Variants in MTA3 observed in about 807,000 individuals in gnomAD.
MTA3 encodes metastasis associated 1 family member 3.
MTA3 carries 34 observed loss-of-function variants against 83.5 expected under a neutral mutation model. That is an observed-to-expected ratio of 0.41 (90% CI 0.31 to 0.54). The LOEUF (loss-of-function observed/expected upper bound fraction) is 0.54. Among genes scored for constraint, MTA3 ranks in the 20% least tolerant of loss-of-function variants. The pLI is 0.33. For synonymous variants in MTA3, 303 were observed against 252.7 expected (o/e 1.20, Z -1.89); for missense variants, 761 against 726.4 (o/e 1.05, Z -0.55).
At chr2:42,611,817 A>G (rs1408345451) in intron 4 of MTA3, among the ~76,000 whole-genome samples, 1 of 152,160 alleles carries the variant, frequency 6.6e-6, no homozygotes, top group African/African-American at 2.4e-5. Flanking sequence ...CCTATGTGAA[A>G]TAAATAATAA....
intron 14 of MTA3, among the ~76,000 whole-genome samples, chr2:42,716,492 C>G (rs539915497): frequency 6.6e-6 from 1 of 152,152 alleles, no homozygotes; most frequent in Non-Finnish European, 1.5e-5. Context: ...ACCCTCCACC[C>G]TCCAATAGGC....
At chr2:42,685,519 C>T (rs1282803166) in intron 9 of MTA3, among the ~76,000 whole-genome samples, 1 of 152,196 alleles carries the variant, frequency 6.6e-6, no homozygotes, top group East Asian at 1.9e-4. Context: ...CTGTCTCTCC[C>T]TTGAACCCCA....
intron 16 of MTA3, among the ~76,000 whole-genome samples, chr2:42,748,858 T>C (rs1264116949): frequency 6.6e-6 from 1 of 152,228 alleles, no homozygotes; most frequent in African/African-American, 2.4e-5. Flanking sequence ...AGGAGTTACA[T>C]TGGTGGATCA....
intron 4 of MTA3, among the ~76,000 whole-genome samples, chr2:42,634,721 A>G (rs1198141459): frequency 6.6e-6 from 1 of 151,876 alleles, no homozygotes; most frequent in African/African-American, 2.4e-5. Flanking sequence ...TATCCAAGGC[A>G]GTCATTTGCT....
intron 16 of MTA3, among the ~76,000 whole-genome samples, chr2:42,723,669 C>G (rs1667597156): frequency 6.6e-6 from 1 of 152,184 alleles, no homozygotes. Flanking sequence ...TAAACACAAC[C>G]ATAATAAATC....
chr2:42,686,583 G>C (rs1305023470), intron 9 of MTA3, among the ~76,000 whole-genome samples: 1 of 152,000 alleles, frequency 6.6e-6, no homozygotes, highest in Admixed American at 6.6e-5. Context: ...CCAACACTTT[G>C]GGAGGCCGAG....
intron 2 of MTA3, among the ~76,000 whole-genome samples, chr2:42,514,575 G>A (rs1225980924): frequency 2.6e-5 from 4 of 151,322 alleles, no homozygotes; most frequent in Non-Finnish European, 5.9e-5. Context: ...ATACAGATGG[G>A]GTTTCACCAT....
intron 2 of MTA3, among the ~76,000 whole-genome samples, chr2:42,557,203 A>T (rs895625910): frequency 2.0e-5 from 3 of 152,034 alleles, no homozygotes; most frequent in Non-Finnish European, 2.9e-5. Flanking sequence ...ATATCGCACC[A>T]CTGCACTTCA....
chr2:42,687,960 C>T (rs1415609963), intron 9 of MTA3, among the ~76,000 whole-genome samples: 2 of 152,206 alleles, frequency 1.3e-5, no homozygotes, highest in Non-Finnish European at 2.9e-5. Context: ...TGCATACCAT[C>T]AGGGTCAAAG....
At position 42,521,231 on chromosome 2, in the gene MTA3, T is replaced by C. The variant is rs570979806; in HGVS notation, c.-141+25977T>C. ...CTCTGAGGGGAGCCAGCTGCCATGT[T>C]GTGAGCTGCTTTTTAGAGAGGCCTA... On this transcript the variant is annotated intron_variant, in intron 2 of 17. Coordinates refer to the MTA3 transcript ENST00000405592. Among the ~76,000 whole-genome samples, 4 of 152,310 alleles carry C rather than the reference T, an allele frequency of 2.6e-5. No homozygotes were observed. The East Asian group carries it at 7.7e-4, about 29-fold the overall frequency.
chr2:42,648,900 A>G (rs1419826634), intron 6 of MTA3, among the ~76,000 whole-genome samples: 7 of 152,236 alleles, frequency 4.6e-5, no homozygotes, highest in Admixed American at 3.3e-4. Flanking sequence ...AATCCTGACT[A>G]TACTATGTTT....
intron 8 of MTA3, 41 bp from the exon 9 acceptor site, chr2:42,682,360 G>A: frequency 1.1e-5 from 16 of 1,434,282 alleles, no homozygotes; most frequent in Non-Finnish European, 1.5e-5. Context: ...TAGCATGTTT[G>A]CATTTCTGGT....
At chr2:42,640,376 C>G in intron 5 of MTA3, 140 bp downstream of exon 5, 1 of 621,934 alleles carries the variant, frequency 1.6e-6, no homozygotes, top group Non-Finnish European at 2.6e-6. Flanking sequence ...AGTATAGTGA[C>G]TAGAATGCAT....
chr2:42,636,221 T>C (rs1020182107), intron 4 of MTA3, among the ~76,000 whole-genome samples: 1 of 152,086 alleles, frequency 6.6e-6, no homozygotes, highest in African/African-American at 2.4e-5. Context: ...AAGTGGGTAG[T>C]CCCCGCTTCA....
In MTA3 at chr2:42,505,249, C is replaced by T. The variant is rs193066833; in HGVS notation, c.-141+9995C>T. Among the ~76,000 whole-genome samples, 49 of 151,960 alleles carry T rather than the reference C, an allele frequency of 3.2e-4. No individual in the cohort carries two copies. The East Asian group carries it at 4.3e-3, about 13-fold the overall frequency. On this transcript the variant is annotated intron_variant, in intron 2 of 17. Transcript: ENST00000405592. The stretch of plus-strand genomic sequence containing the variant: ...CTACTAAAAATACAAAAAATTAGCC[C>T]GGCGTGGTGGCATGCACCTGTAGTC...
intron 16 of MTA3, among the ~76,000 whole-genome samples, chr2:42,752,822 T>C (rs1367829623): frequency 1.3e-5 from 2 of 152,198 alleles, no homozygotes; most frequent in African/African-American, 2.4e-5. Context: ...ACCCGCCTAT[T>C]CAAAACCCAG....
chr2:42,525,559 T>C (rs1201196764), intron 2 of MTA3, among the ~76,000 whole-genome samples: 2 of 148,348 alleles, frequency 1.3e-5, no homozygotes, highest in Admixed American at 6.8e-5. Flanking sequence ...TTCCCCTTAC[T>C]TCCTTCCTTT....
intron 3 of MTA3, among the ~76,000 whole-genome samples, chr2:42,605,677 C>T (rs1289539050): frequency 7.8e-6 from 1 of 127,720 alleles, no homozygotes; most frequent in East Asian, 2.5e-4. Flanking sequence ...GACCCCCCCA[C>T]CTCCCTCCCG....
rs1683926835 is a variant in MTA3 at position 42,609,568 on chromosome 2, C to T, written c.301C>T (p.Pro101Ser). ...TTTGTCACGCCAGTATGAATCTCTG[C>T]CCGCAACACATATCAGGTAAGAACT... ...LFLSRQYESL[P>S]ATHIRGKCSV... Residue 101 changes from proline to serine, a missense_variant, in exon 4 of 17, where the codon CCC (proline) becomes TCC (serine). Physicochemically the swap from Pro to Ser is moderately conservative, Grantham distance 74. Transcript: ENST00000405094. The T allele has an allele frequency of 6.2e-7, 1 of 1,613,476 alleles. No homozygotes were observed. The highest frequency in any genetic ancestry group is 1.3e-5 in the African/African-American group (1 of 74,904).
Sources: gnomAD v4.1 joint callset for allele counts (sites outside exome capture counted in the v4.1 genomes callset) on GRCh38, gnomAD v4.1.1 for gene constraint, MANE v1.5 for transcripts, NCBI Gene and HGNC (gene_info 2026-07-23, HGNC 2026-07-21) for gene names.